Variants in GPC5 observed in about 807,000 individuals in gnomAD.
GPC5 encodes glypican-5.
In GPC5, 47 loss-of-function variants were observed where a neutral mutation model predicts 53.9. The observed-to-expected ratio is 0.87, with a 90% CI of 0.69 to 1.11. The LOEUF (loss-of-function observed/expected upper bound fraction) is 1.11. GPC5 is among the 50% of genes most tolerant of loss of function. The pLI, the probability that GPC5 is intolerant of heterozygous loss-of-function variation, is 0.00. For missense variants in GPC5, 748 were observed against 713.1 expected (o/e 1.05, Z -0.56); for synonymous variants, 286 against 263.3 (o/e 1.09, Z -0.84).
chr13:91,880,622 A>G (rs1176315222), intron 5 of GPC5, among the ~76,000 whole-genome samples: 5 of 152,168 alleles, frequency 3.3e-5, no homozygotes, highest in Non-Finnish European at 7.4e-5. Flanking sequence ...TGGGAACGCC[A>G]TATGCCTTTT....
chr13:92,731,902 C>T (rs1481223124), intron 7 of GPC5, among the ~76,000 whole-genome samples: 1 of 151,352 alleles, frequency 6.6e-6, no homozygotes, highest in Non-Finnish European at 1.5e-5. Flanking sequence ...GAGAGCTATA[C>T]TGTAATGAAC....
intron 5 of GPC5, among the ~76,000 whole-genome samples, chr13:91,879,328 T>C (rs1437894685): frequency 6.6e-6 from 1 of 152,206 alleles, no homozygotes; most frequent in Non-Finnish European, 1.5e-5. Flanking sequence ...AGGACATATC[T>C]ATAACTACTT....
intron 7 of GPC5, among the ~76,000 whole-genome samples, chr13:92,613,724 G>A (rs1045936363): frequency 7.1e-6 from 1 of 141,604 alleles, no homozygotes; most frequent in Non-Finnish European, 1.5e-5. Flanking sequence ...AGGGCATGGT[G>A]GTACATGCGT....
At chr13:92,475,814 T>C (rs974834772) in intron 7 of GPC5, among the ~76,000 whole-genome samples, 3 of 152,076 alleles carry the variant, frequency 2.0e-5, no homozygotes, top group Admixed American at 6.6e-5. Context: ...ATTTAATAAA[T>C]GGTGCTGGGA....
chr13:92,273,137 A>C (rs1198212249), intron 7 of GPC5, among the ~76,000 whole-genome samples: 2 of 152,130 alleles, frequency 1.3e-5, no homozygotes, highest in Non-Finnish European at 2.9e-5. Flanking sequence ...CTTAGTCACA[A>C]TGTTTCCTTT....
intron 5 of GPC5, among the ~76,000 whole-genome samples, chr13:91,793,066 C>T (rs929230929): frequency 3.9e-5 from 6 of 152,164 alleles, no homozygotes; most frequent in African/African-American, 1.4e-4. Context: ...TGTTCTCATT[C>T]TGCTGCTGAA....
rs541441121 is a variant in GPC5 at position 91,740,090 on chromosome 13, C to T, written c.1154+11425C>T. Among the ~76,000 whole-genome samples the T allele has an allele frequency of 3.8e-4, 56 of 146,154 alleles. 6 individuals are homozygous for T. The highest frequency in any genetic ancestry group is 1.1e-3 in the African/African-American group (41 of 35,876). On this transcript the variant is annotated intron_variant, in intron 4 of 7. Transcript: ENST00000377067. ...GCCCACATCCCCACTTAGCTTCTTC[C>T]GCCACACCTGCCCTTGCTTCCCTTT... is the stretch of plus-strand genomic sequence containing the variant.
At chr13:91,517,302 G>T (rs189618329) in intron 2 of GPC5, among the ~76,000 whole-genome samples, 1 of 152,240 alleles carries the variant, frequency 6.6e-6, no homozygotes, top group East Asian at 1.9e-4. Context: ...GTGCTTTGCT[G>T]CTCAGAAATT....
chr13:91,781,263 G>A (rs1419842845), intron 5 of GPC5, among the ~76,000 whole-genome samples: 1 of 152,140 alleles, frequency 6.6e-6, no homozygotes, highest in East Asian at 1.9e-4. Context: ...CATTTTCTTG[G>A]CCAACACTGG....
At chr13:92,785,635 A>G (rs1876201977) in intron 7 of GPC5, among the ~76,000 whole-genome samples, 1 of 152,200 alleles carries the variant, frequency 6.6e-6, no homozygotes, top group South Asian at 2.1e-4. Context: ...GTTGAAAGCC[A>G]CATGAAGTGA....
chr13:92,359,749 T>C lies in GPC5; in HGVS notation c.1561+214760T>C, dbSNP rs961131641. ...AGAGGGCAGAGGTGCCACAACACTTTTAAACAATCAGATATTGTGAGAACT... is the reference window on the plus strand; with the variant it reads ...AGAGGGCAGAGGTGCCACAACACTTCTAAACAATCAGATATTGTGAGAACT... On this transcript the variant is annotated intron_variant, in intron 7 of 7. Transcript: ENST00000377067. Among the ~76,000 whole-genome samples, 42 of 151,432 alleles carry C rather than the reference T, an allele frequency of 2.8e-4. 1 individual carries two copies. The highest frequency in any genetic ancestry group is 1.0e-3 in the African/African-American group (41 of 40,810).
chr13:92,347,882 T>G (rs113027333), intron 7 of GPC5, among the ~76,000 whole-genome samples: 1 of 2,332 alleles, frequency 4.3e-4, no homozygotes, highest in East Asian at 7.5e-3. Flanking sequence ...ATAATATATA[T>G]TATATATATT....
At chr13:92,849,455 T>C (rs1878718474) in intron 7 of GPC5, among the ~76,000 whole-genome samples, 1 of 152,238 alleles carries the variant, frequency 6.6e-6, no homozygotes, top group Non-Finnish European at 1.5e-5. Flanking sequence ...TCCTGCACAA[T>C]ATTCTTAGAT....
At chr13:92,088,068 G>A (rs2041349913) in intron 6 of GPC5, among the ~76,000 whole-genome samples, 2 of 151,792 alleles carry the variant, frequency 1.3e-5, no homozygotes, top group African/African-American at 4.8e-5. Context: ...CCACAGCCGG[G>A]CCCCAACTAC....
At chr13:91,556,498 G>T (rs1326076205) in intron 2 of GPC5, among the ~76,000 whole-genome samples, 1 of 151,206 alleles carries the variant, frequency 6.6e-6, no homozygotes, top group Non-Finnish European at 1.5e-5. Flanking sequence ...CAATCAATGA[G>T]TGGATAAAGA....
At chr13:92,261,774 G>A (rs1594046253) in intron 7 of GPC5, among the ~76,000 whole-genome samples, 1 of 152,002 alleles carries the variant, frequency 6.6e-6, no homozygotes, top group Non-Finnish European at 1.5e-5. Flanking sequence ...TTTTAATAAA[G>A]GTTTGGAGAA....
At chr13:91,572,583 A>G (rs561737871) in intron 2 of GPC5, among the ~76,000 whole-genome samples, 3 of 152,078 alleles carry the variant, frequency 2.0e-5, no homozygotes, top group African/African-American at 4.8e-5. Context: ...TCTTTAAACA[A>G]CCAGCTCTCA....
At chr13:91,957,967 A>G (rs888656402) in intron 6 of GPC5, among the ~76,000 whole-genome samples, 2 of 152,126 alleles carry the variant, frequency 1.3e-5, no homozygotes, top group African/African-American at 4.8e-5. Flanking sequence ...GAAATGAACA[A>G]AAGATAAACA....
chr13:92,071,892 G>A (rs1205508616), intron 6 of GPC5, among the ~76,000 whole-genome samples: 1 of 144,762 alleles, frequency 6.9e-6, no homozygotes, highest in Admixed American at 6.9e-5. Flanking sequence ...TGTATAAAAT[G>A]TATTATTTTA....
Sources: allele counts gnomAD v4.1 joint callset (sites outside exome capture counted in the v4.1 genomes callset), GRCh38; gene constraint gnomAD v4.1.1; transcripts MANE v1.5; gene names NCBI Gene and HGNC (gene_info 2026-07-23, HGNC 2026-07-21).